ELL: variants seen among roughly 807,000 people sequenced by gnomAD.
ELL encodes the protein RNA polymerase II elongation factor ELL.
In ELL, 18 loss-of-function variants were observed where a neutral mutation model predicts 64.0. The ratio of observed to expected loss-of-function variants is 0.28; its 90% CI spans 0.19 to 0.42. The LOEUF is 0.42. ELL is among the 10% of genes least tolerant of loss of function. The pLI is 1.00. For missense variants in ELL, 797 were observed against 870.4 expected (o/e 0.92, Z 1.06); for synonymous variants, 399 against 376.2 (o/e 1.06, Z -0.70).
chr19:18,444,710 G>A lies in ELL; in HGVS notation c.*42C>T. 1 of 1,531,214 alleles carries A rather than the reference G, an allele frequency of 6.5e-7. No individual in the cohort carries two copies. The highest frequency in any genetic ancestry group is 1.4e-5 in the African/African-American group (1 of 72,492). The allele number at this position is 1,531,214 out of a possible 1,614,324, so 94.9% of individuals were successfully genotyped here. A position where few individuals can be genotyped will look rare whatever the true frequency, so the allele number is the denominator to read the frequency against. ...AATAAATCCTCTCTCACCGCCTTTT[G>A]CTCCCCCGACCCTCCCAGATCCCCG... On this transcript the variant is annotated 3_prime_UTR_variant, in exon 12 of 12. Coordinates refer to ENST00000262809, the MANE Select transcript of ELL (RefSeq NM_006532.4).
intron 2 of ELL, among the ~76,000 whole-genome samples, chr19:18,469,534 G>GT (rs1975017891): frequency 6.6e-6 from 1 of 152,212 alleles, no homozygotes. Context: ...AGTGACCCAC[G>GT]TACCAGTGGG....
At chr19:18,445,391 G>A (rs796291317) in intron 10 of ELL, 123 bp from the exon 11 acceptor site, 1 of 1,023,298 alleles carries the variant, frequency 9.8e-7, no homozygotes, top group African/African-American at 1.6e-5. Context: ...CAAGGACAAG[G>A]CCAAGTAACA....
At chr19:18,495,922 G>A (rs756845749) in intron 1 of ELL, among the ~76,000 whole-genome samples, 1 of 152,240 alleles carries the variant, frequency 6.6e-6, no homozygotes, top group Non-Finnish European at 1.5e-5. Flanking sequence ...GGGCTGAGGA[G>A]CAGGCTCCCG....
chr19:18,516,859 G>A (rs562495194), intron 1 of ELL, among the ~76,000 whole-genome samples: 3 of 152,286 alleles, frequency 2.0e-5, no homozygotes, highest in African/African-American at 4.8e-5. Flanking sequence ...AGAAGGATTC[G>A]GAGATGGGAG....
intron 6 of ELL, among the ~76,000 whole-genome samples, chr19:18,455,211 G>C (rs1445379106): frequency 6.6e-6 from 1 of 151,762 alleles, no homozygotes; most frequent in Non-Finnish European, 1.5e-5. Context: ...TGATGAGTTA[G>C]GCCAGGCACA....
In ELL at chr19:18,480,148, G is replaced by C. The variant is rs1366069788; in HGVS notation, c.136-7266C>G. 5.3e-5 allele frequency among the ~76,000 whole-genome samples: 8 copies of C among 152,228 alleles called. 1 individual carries two copies. The highest frequency in any genetic ancestry group is 5.2e-4 in the Admixed American group (8 of 15,286). On this transcript the variant is annotated intron_variant, in intron 1 of 11. Transcript: ENST00000262809. ...GAGCTGGGTCACCCTGCCAAGCCAC[G>C]GCGTGTGGTCCAGCAGAGGGAAGGT... is the stretch of plus-strand genomic sequence containing the variant.
chr19:18,476,262 A>G (rs964490138), intron 1 of ELL, among the ~76,000 whole-genome samples: 1 of 152,218 alleles, frequency 6.6e-6, no homozygotes, highest in African/African-American at 2.4e-5. Context: ...CGGGGCTAAC[A>G]CAAGCACCCT....
chr19:18,479,935 G>GC (rs1975262304), intron 1 of ELL, among the ~76,000 whole-genome samples: 1 of 152,052 alleles, frequency 6.6e-6, no homozygotes, highest in Admixed American at 6.6e-5. Flanking sequence ...CCCTCCAGAA[G>GC]CACCCACTCA....
chr19:18,467,956 CACAT>C (rs943699250), intron 2 of ELL, among the ~76,000 whole-genome samples: 23 of 145,832 alleles, frequency 1.6e-4, no homozygotes, highest in South Asian at 6.6e-4. Flanking sequence ...CATAGCGCCA[CACAT>C]ACAACCACCC....
In ELL at chr19:18,472,847, T is replaced by C. The variant is rs1249258166; in HGVS notation, c.171A>G (p.Gln57=). Residue 57 remains glutamine (Q), a synonymous_variant, in exon 2 of 12, where the codon CAA becomes CAG. Coordinates refer to ENST00000262809, the MANE Select transcript of ELL (RefSeq NM_006532.4). ...SVSLRPSIRF[Q]GSQGHISIPQ... ...GACAAAAACTTACCCCTTGGCTTCC[T>C]TGAAATCGGATAGATGGCCTCAGTG... The C allele has an allele frequency of 3.7e-6, 6 of 1,602,154 alleles. No individual in the cohort carries two copies. The highest frequency in any genetic ancestry group is 1.1e-5 in the South Asian group (1 of 89,280).
intron 4 of ELL, among the ~76,000 whole-genome samples, chr19:18,463,979 C>T (rs971091285): frequency 7.3e-6 from 1 of 137,764 alleles, no homozygotes; most frequent in African/African-American, 3.1e-5. Flanking sequence ...GACCGCGACT[C>T]CATCTCAAAA....
intron 1 of ELL, among the ~76,000 whole-genome samples, chr19:18,485,761 C>A (rs554906568): frequency 4.6e-5 from 7 of 152,132 alleles, no homozygotes; most frequent in Admixed American, 6.5e-5. Flanking sequence ...CCAAGACGAG[C>A]GGATCACGAG....
chr19:18,477,666 G>GA (rs1975207062), intron 1 of ELL, among the ~76,000 whole-genome samples: 1 of 152,138 alleles, frequency 6.6e-6, no homozygotes, highest in African/African-American at 2.4e-5. Context: ...CATGCCCAGT[G>GA]AAAAGAGAAA....
At chr19:18,451,299 G>A (rs1407776474) in intron 7 of ELL, among the ~76,000 whole-genome samples, 2 of 152,212 alleles carry the variant, frequency 1.3e-5, no homozygotes, top group South Asian at 4.1e-4. Context: ...CCAGGGTTGA[G>A]CCCACATCAG....
intron 1 of ELL, among the ~76,000 whole-genome samples, chr19:18,478,491 T>C (rs940787752): frequency 1.1e-4 from 16 of 152,278 alleles, no homozygotes; most frequent in Middle Eastern, 3.4e-3. Context: ...CCACAAGTCC[T>C]CTCAGGCCCT....
intron 4 of ELL, among the ~76,000 whole-genome samples, chr19:18,463,069 G>A (rs555924506): frequency 6.6e-6 from 1 of 152,292 alleles, no homozygotes; most frequent in South Asian, 2.1e-4. Context: ...AAGCTCAACA[G>A]TGCCTCAAAT....
At chr19:18,472,955 C>T in intron 1 of ELL, 73 bp from the exon 2 acceptor site, 3 of 1,479,662 alleles carry the variant, frequency 2.0e-6, no homozygotes, top group Non-Finnish European at 2.7e-6. Flanking sequence ...CAAAGACTCC[C>T]TCCCCAGGTA....
chr19:18,463,325 CTTTTTTT>C (rs34610795), intron 4 of ELL, among the ~76,000 whole-genome samples: 2 of 73,248 alleles, frequency 2.7e-5, no homozygotes, highest in African/African-American at 1.7e-4. Flanking sequence ...ACATTCACAT[CTTTTTTT>C]TTTTTTTTTT....
chr19:18,497,767 T>C (rs1975689779), intron 1 of ELL, among the ~76,000 whole-genome samples: 1 of 139,308 alleles, frequency 7.2e-6, no homozygotes, highest in Non-Finnish European at 1.5e-5. Context: ...CAGTGAGCTA[T>C]GGTTATGCTA....
Sources: gnomAD v4.1 joint callset for allele counts (sites outside exome capture counted in the v4.1 genomes callset) on GRCh38, gnomAD v4.1.1 for gene constraint, MANE v1.5 for transcripts, NCBI Gene and HGNC (gene_info 2026-07-23, HGNC 2026-07-21) for gene names.